Variants in MAGI1 observed in about 807,000 individuals in gnomAD.
MAGI1 encodes the protein membrane-associated guanylate kinase, WW and PDZ domain-containing protein 1.
Under a neutral mutation model 139.9 loss-of-function variants are expected in MAGI1, and 58 were observed. The observed-to-expected ratio is 0.41, with a 90% CI of 0.34 to 0.52. The LOEUF is 0.52. Ranked by LOEUF, MAGI1 falls within the 20% of genes least tolerant of loss-of-function variation. The pLI is 0.12. For missense variants in MAGI1, 1,874 were observed against 1,901.6 expected, an observed-to-expected ratio of 0.99 and a Z score of 0.27; for synonymous variants, 812 against 737.9, an observed-to-expected ratio of 1.10 and a Z score of -1.63.
intron 1 of MAGI1, among the ~76,000 whole-genome samples, chr3:65,853,394 G>A (rs936158503): frequency 3.3e-5 from 5 of 152,146 alleles, no homozygotes; most frequent in Non-Finnish European, 7.3e-5. Flanking sequence ...TCCTAGTAGG[G>A]CAAAGATAAG....
At chr3:65,691,580 T>A (rs2088656835) in intron 1 of MAGI1, among the ~76,000 whole-genome samples, 1 of 152,152 alleles carries the variant, frequency 6.6e-6, no homozygotes. Context: ...AACATTATGT[T>A]CAGGAAAACA....
chr3:65,662,344 T>G (rs1425257320), intron 1 of MAGI1, among the ~76,000 whole-genome samples: 3 of 152,186 alleles, frequency 2.0e-5, no homozygotes, highest in Non-Finnish European at 4.4e-5. Context: ...CAGCAAACTT[T>G]CCATAAAATG....
chr3:65,379,659 C>T (rs574660674), intron 16 of MAGI1, 105 bp from the exon 17 acceptor site: 2 of 1,514,804 alleles, frequency 1.3e-6, no homozygotes, highest in South Asian at 1.3e-5. Flanking sequence ...AAACGTGAAC[C>T]GAGGGGAGGA....
At chr3:65,450,271 T>C (rs1306144473) in intron 6 of MAGI1, among the ~76,000 whole-genome samples, 1 of 152,090 alleles carries the variant, frequency 6.6e-6, no homozygotes, top group Non-Finnish European at 1.5e-5. Flanking sequence ...CATCATCACA[T>C]TTACATTTTA....
At chr3:65,664,323 T>C (rs2086378412) in intron 1 of MAGI1, among the ~76,000 whole-genome samples, 1 of 152,200 alleles carries the variant, frequency 6.6e-6, no homozygotes, top group Non-Finnish European at 1.5e-5. Flanking sequence ...TCTAGTAACA[T>C]CATTACTACC....
At chr3:65,504,324 A>T (rs2077194027) in intron 2 of MAGI1, among the ~76,000 whole-genome samples, 1 of 152,236 alleles carries the variant, frequency 6.6e-6, no homozygotes, top group African/African-American at 2.4e-5. Context: ...ATGTTCATTT[A>T]AAAAATCTGT....
intron 2 of MAGI1, chr3:65,597,929 G>A: frequency 2.2e-6 from 1 of 452,696 alleles, no homozygotes; most frequent in Non-Finnish European, 4.4e-6. Flanking sequence ...CGGGGGTGGG[G>A]GGGGGGTGGG....
chr3:65,507,990 T>A (rs1160006383), intron 2 of MAGI1, among the ~76,000 whole-genome samples: 3 of 152,196 alleles, frequency 2.0e-5, no homozygotes, highest in Admixed American at 2.0e-4. Flanking sequence ...CAGAAGCCTG[T>A]GCTGATGTGA....
intron 1 of MAGI1, among the ~76,000 whole-genome samples, chr3:65,649,724 G>A (rs1162738292): frequency 6.6e-6 from 1 of 152,178 alleles, no homozygotes; most frequent in Non-Finnish European, 1.5e-5. Context: ...TTTCACTAAA[G>A]AAGATAGTGA....
At chr3:65,675,909 T>C (rs1410659506) in intron 1 of MAGI1, among the ~76,000 whole-genome samples, 2 of 152,210 alleles carry the variant, frequency 1.3e-5, no homozygotes, top group Non-Finnish European at 2.9e-5. Flanking sequence ...ACAGGGATGA[T>C]TTAATGGATT....
chr3:65,656,408 G>C (rs946536608), intron 1 of MAGI1, among the ~76,000 whole-genome samples: 4 of 152,100 alleles, frequency 2.6e-5, no homozygotes, highest in Non-Finnish European at 4.4e-5. Flanking sequence ...AAGTGTCTCA[G>C]ATTAAAAGAG....
intron 1 of MAGI1, among the ~76,000 whole-genome samples, chr3:66,013,550 A>G (rs1016915085): frequency 1.3e-5 from 2 of 151,994 alleles, no homozygotes; most frequent in Non-Finnish European, 2.9e-5. Context: ...TCACGAGATC[A>G]GGAGACCGAG....
At chr3:65,867,200 C>T (rs534337267) in intron 1 of MAGI1, among the ~76,000 whole-genome samples, 8 of 152,320 alleles carry the variant, frequency 5.3e-5, no homozygotes, top group South Asian at 2.1e-4. Context: ...ATTTGGCACT[C>T]ATCATCTTCC....
rs545739922 is a variant in MAGI1 at position 65,541,594 on chromosome 3, T to G, written c.431-47963A>C. Among the ~76,000 whole-genome samples, 5 of 152,330 alleles carry G rather than the reference T, an allele frequency of 3.3e-5. No individual in the cohort carries two copies. In the South Asian group the frequency reaches 8.3e-4, roughly 25 times the overall value. On this transcript the variant is annotated intron_variant, in intron 2 of 22. Transcript: ENST00000402939. ...ACCACTATCAAGTCAGCTTCATCCC[T>G]GGGATGCAAGTCTGGTTCAACGTAC... is the stretch of plus-strand genomic sequence containing the variant.
intron 1 of MAGI1, among the ~76,000 whole-genome samples, chr3:65,641,750 A>G (rs2084995336): frequency 6.6e-6 from 1 of 152,202 alleles, no homozygotes; most frequent in Non-Finnish European, 1.5e-5. Flanking sequence ...CTGACTAAGG[A>G]AGAAAACTGA....
intron 1 of MAGI1, among the ~76,000 whole-genome samples, chr3:65,912,249 A>AAAT (rs2061701260): frequency 6.6e-6 from 1 of 151,988 alleles, no homozygotes; most frequent in South Asian, 2.1e-4. Flanking sequence ...AAAAAAAAAA[A>AAAT]AAAGAGTTCT....
intron 1 of MAGI1, among the ~76,000 whole-genome samples, chr3:65,974,076 A>G (rs1467139255): frequency 6.6e-6 from 1 of 152,162 alleles, no homozygotes; most frequent in Admixed American, 6.5e-5. Flanking sequence ...GGAAAGGTAC[A>G]GAAAAATAAA....
In MAGI1 at chr3:65,673,609, G is replaced by A. The variant is rs1020768136; in HGVS notation, c.314-51521C>T. ...TGTGCCCACACTGAGCCTCAGTTTC[G>A]TTATCTGTGAGGTAAGGACCATGGA... is the stretch of plus-strand genomic sequence containing the variant. On this transcript the variant is annotated intron_variant, in intron 1 of 22. Coordinates refer to ENST00000402939, the MANE Select transcript of MAGI1 (RefSeq NM_001033057.2). Among the ~76,000 whole-genome samples the A allele has an allele frequency of 3.9e-5, 6 of 152,118 alleles. No individual in the cohort carries two copies. The South Asian group carries it at 1.0e-3, about 26-fold the overall frequency.
At chr3:65,999,144 G>C (rs998642591) in intron 1 of MAGI1, among the ~76,000 whole-genome samples, 1 of 152,124 alleles carries the variant, frequency 6.6e-6, no homozygotes, top group Non-Finnish European at 1.5e-5. Flanking sequence ...ATGTGCCATG[G>C]TGGTTTGCTG....
Sources: gnomAD v4.1 joint callset for allele counts (sites outside exome capture counted in the v4.1 genomes callset) on GRCh38, gnomAD v4.1.1 for gene constraint, MANE v1.5 for transcripts, NCBI Gene and HGNC (gene_info 2026-07-23, HGNC 2026-07-21) for gene names.